Variants in SMOC2 observed in about 807,000 individuals in gnomAD.
SMOC2 encodes the protein SPARC-related modular calcium-binding protein 2.
A neutral mutation model predicts 61.4 loss-of-function variants in SMOC2; 39 were observed. The ratio of observed to expected loss-of-function variants is 0.64; its 90% CI spans 0.49 to 0.83. SMOC2 has a LOEUF of 0.83. Among genes scored for constraint, SMOC2 ranks in the 40% least tolerant of loss-of-function variants. The pLI is 0.00. For missense variants in SMOC2, 556 were observed against 592.9 expected, an observed-to-expected ratio of 0.94 and a Z score of 0.65; for synonymous variants, 247 against 239.9, an observed-to-expected ratio of 1.03 and a Z score of -0.27.
chr6:168,496,531 T>C (rs1338898145), intron 1 of SMOC2, among the ~76,000 whole-genome samples: 1 of 152,020 alleles, frequency 6.6e-6, no homozygotes, highest in Non-Finnish European at 1.5e-5. Flanking sequence ...TGCTCGGGGG[T>C]GATGGTGGAG....
intron 1 of SMOC2, among the ~76,000 whole-genome samples, chr6:168,456,667 A>C (rs1781594857): frequency 6.6e-6 from 1 of 152,216 alleles, no homozygotes; most frequent in Admixed American, 6.5e-5. Context: ...AACGCGCCCC[A>C]GGTCAGGCTG....
chr6:168,592,470 CGAG>C (rs750608522), intron 7 of SMOC2, among the ~76,000 whole-genome samples: 2 of 54,116 alleles, frequency 3.7e-5, no homozygotes, highest in Non-Finnish European at 7.5e-5. Flanking sequence ...TGAGGCCTCA[CGAG>C]GGGCCTCTTT....
chr6:168,565,228 G>C (rs760987478), intron 7 of SMOC2, among the ~76,000 whole-genome samples: 5 of 152,204 alleles, frequency 3.3e-5, no homozygotes, highest in Non-Finnish European at 4.4e-5. Context: ...GTATTAATCA[G>C]CTAGGGCTGC....
intron 2 of SMOC2, among the ~76,000 whole-genome samples, chr6:168,521,719 C>G (rs1007019837): frequency 1.3e-5 from 2 of 152,076 alleles, no homozygotes; most frequent in Non-Finnish European, 2.9e-5. Flanking sequence ...CCCATCTCTA[C>G]GAAAATTAAA....
chr6:168,581,080 A>T (rs1026671983), intron 7 of SMOC2, among the ~76,000 whole-genome samples: 38 of 152,140 alleles, frequency 2.5e-4, no homozygotes, highest in Admixed American at 2.2e-3. Context: ...CCAAAAGTAA[A>T]CATATGAAGA....
At chr6:168,527,095 T>C (rs1450053902) in intron 3 of SMOC2, among the ~76,000 whole-genome samples, 1 of 152,158 alleles carries the variant, frequency 6.6e-6, no homozygotes, top group South Asian at 2.1e-4. Flanking sequence ...CTGGGGCCCA[T>C]TGGGTGATGA....
chr6:168,632,310 T>A (rs184508013), intron 9 of SMOC2, among the ~76,000 whole-genome samples: 5 of 152,310 alleles, frequency 3.3e-5, no homozygotes, highest in African/African-American at 1.2e-4. Context: ...GAACAAGTCA[T>A]CAGAACATAG....
chr6:168,639,525 G>A (rs115641863), intron 9 of SMOC2, among the ~76,000 whole-genome samples: 1,727 of 152,234 alleles, frequency 0.011, 44 homozygotes, highest in African/African-American at 0.039. Context: ...CAGATCTTTT[G>A]TAGCTGTTTT....
chr6:168,623,329 A>ATTTTTT (rs11284179), intron 9 of SMOC2, among the ~76,000 whole-genome samples: 23,833 of 128,066 alleles, frequency 0.19, 2,768 homozygotes, highest in Non-Finnish European at 0.23. Context: ...TGGATAATTA[A>ATTTTTT]TTTTTTTTTT....
intron 1 of SMOC2, among the ~76,000 whole-genome samples, chr6:168,496,400 A>G (rs766661009): frequency 3.9e-5 from 6 of 152,220 alleles, no homozygotes; most frequent in Non-Finnish European, 5.9e-5. Flanking sequence ...AGGACTCAAC[A>G]CATAGCAAAT....
intron 1 of SMOC2, among the ~76,000 whole-genome samples, chr6:168,503,935 C>A (rs1782799662): frequency 6.6e-6 from 1 of 152,152 alleles, no homozygotes; most frequent in African/African-American, 2.4e-5. Context: ...GAATCCTCTG[C>A]CGGAGGGAGG....
At chr6:168,644,359 G>A (rs1786970633) in intron 9 of SMOC2, among the ~76,000 whole-genome samples, 1 of 152,166 alleles carries the variant, frequency 6.6e-6, no homozygotes. Flanking sequence ...CTGTGAGAAT[G>A]AGTAGCCATG....
At chr6:168,653,613 T>A (rs35474841) in intron 11 of SMOC2, among the ~76,000 whole-genome samples, 589 of 91,826 alleles carry the variant, frequency 6.4e-3, no homozygotes, top group East Asian at 0.011. Context: ...CCAACCCTGC[T>A]CCTGAGCTCC....
chr6:168,444,605 C>T (rs753090894), intron 1 of SMOC2, among the ~76,000 whole-genome samples: 4 of 152,146 alleles, frequency 2.6e-5, no homozygotes, highest in African/African-American at 4.8e-5. Flanking sequence ...GTGTCCAATG[C>T]GCTCTTAATT....
intron 1 of SMOC2, among the ~76,000 whole-genome samples, chr6:168,445,201 C>G (rs1055114027): frequency 6.6e-6 from 1 of 152,178 alleles, no homozygotes; most frequent in Non-Finnish European, 1.5e-5. Flanking sequence ...GAGTTCCCTG[C>G]ACTGTTTTTT....
chr6:168,507,942 C>T (rs1212445460), intron 1 of SMOC2, among the ~76,000 whole-genome samples: 1 of 152,334 alleles, frequency 6.6e-6, no homozygotes, highest in East Asian at 1.9e-4. Flanking sequence ...CCTTCATCCC[C>T]ACATCTGGGC....
At chr6:168,660,114 C>G (rs527976645) in intron 11 of SMOC2, among the ~76,000 whole-genome samples, 1 of 148,366 alleles carries the variant, frequency 6.7e-6, no homozygotes, top group African/African-American at 2.5e-5. Context: ...GAGAGGGCAG[C>G]CTCTTCAGCC....
intron 1 of SMOC2, among the ~76,000 whole-genome samples, chr6:168,457,799 G>T (rs747993345): frequency 6.6e-6 from 1 of 152,184 alleles, no homozygotes; most frequent in Non-Finnish European, 1.5e-5. Context: ...TTCCAAGCCT[G>T]TTTTGTTCTC....
At chr6:168,603,721 AAAAC>A (rs1425769698) in intron 8 of SMOC2, among the ~76,000 whole-genome samples, 3 of 128,330 alleles carry the variant, frequency 2.3e-5, no homozygotes, top group East Asian at 4.5e-4. Context: ...GAAAAAAAAA[AAAAC>A]CAGTAATCCA....
Sources: allele counts gnomAD v4.1 joint callset (sites outside exome capture counted in the v4.1 genomes callset), GRCh38; gene constraint gnomAD v4.1.1; transcripts MANE v1.5; gene names NCBI Gene and HGNC (gene_info 2026-07-23, HGNC 2026-07-21).